The following SCFD2 variants were observed in gnomAD, a reference collection of about 807,000 sequenced individuals.
SCFD2 encodes sec1 family domain containing 2, also known as sec1 family domain-containing protein 2.
Under a neutral mutation model 58.9 loss-of-function variants are expected in SCFD2, and 54 were observed. The ratio of observed to expected loss-of-function variants is 0.92; its 90% confidence interval spans 0.74 to 1.15. The LOEUF is 1.15. SCFD2 is among the 50% of genes most tolerant of loss of function. The probability of loss-of-function intolerance (pLI) is 0.00; values close to 1 mark genes in which losing one functional copy is unlikely to be tolerated. For missense variants in SCFD2, 805 were observed against 836.6 expected, an observed-to-expected ratio of 0.96 and a Z score of 0.47; for synonymous variants, 321 against 335.9, an observed-to-expected ratio of 0.96 and a Z score of 0.49.
At chr4:53,306,889 C>T (rs557244479) in intron 3 of SCFD2, among the ~76,000 whole-genome samples, 6 of 152,182 alleles carry the variant, frequency 3.9e-5, no homozygotes, top group Non-Finnish European at 8.8e-5. Context: ...GAAAGATGTG[C>T]ATTTTTGTGT....
chr4:53,032,410 T>C (rs888389635), intron 5 of SCFD2, among the ~76,000 whole-genome samples: 2 of 152,092 alleles, frequency 1.3e-5, no homozygotes, highest in African/African-American at 4.8e-5. Context: ...GCTAGCATCA[T>C]ACTGACAGGA....
intron 7 of SCFD2, among the ~76,000 whole-genome samples, chr4:52,902,917 GC>G (rs1719240081): frequency 6.6e-6 from 1 of 152,180 alleles, no homozygotes; most frequent in African/African-American, 2.4e-5. Flanking sequence ...TATTAGCATA[GC>G]TTATAGTAGA....
intron 5 of SCFD2, among the ~76,000 whole-genome samples, chr4:53,047,430 A>G (rs1723070414): frequency 2.0e-5 from 3 of 152,202 alleles, no homozygotes; most frequent in Admixed American, 1.3e-4. Context: ...CCTGGACAAC[A>G]GAGTGAGACC....
At chr4:53,300,444 T>C (rs1287400069) in intron 3 of SCFD2, among the ~76,000 whole-genome samples, 1 of 152,174 alleles carries the variant, frequency 6.6e-6, no homozygotes, top group South Asian at 2.1e-4. Flanking sequence ...CCCAGATTCA[T>C]AAAGCAAGTC....
chr4:53,265,830 C>T (rs981567957), intron 4 of SCFD2, among the ~76,000 whole-genome samples: 14 of 152,166 alleles, frequency 9.2e-5, no homozygotes, highest in African/African-American at 3.1e-4. Flanking sequence ...GCTTTGACCT[C>T]CTGGGCTCAA....
At chr4:53,063,439 T>A (rs1723571750) in intron 5 of SCFD2, among the ~76,000 whole-genome samples, 1 of 152,152 alleles carries the variant, frequency 6.6e-6, no homozygotes, top group African/African-American at 2.4e-5. Flanking sequence ...ATAATTCCCA[T>A]TTTAAAAGGA....
chr4:52,915,837 GA>G (rs1719588892), intron 6 of SCFD2, among the ~76,000 whole-genome samples: 1 of 152,192 alleles, frequency 6.6e-6, no homozygotes, highest in South Asian at 2.1e-4. Flanking sequence ...AAAGAATCAG[GA>G]GGAGCAATAG....
intron 4 of SCFD2, among the ~76,000 whole-genome samples, chr4:53,200,907 T>C (rs1728209684): frequency 6.6e-6 from 1 of 152,090 alleles, no homozygotes; most frequent in South Asian, 2.1e-4. Context: ...TATAAATCCA[T>C]TCTAAAAATC....
chr4:53,025,082 T>C (rs1577667717), intron 5 of SCFD2, among the ~76,000 whole-genome samples: 1 of 152,210 alleles, frequency 6.6e-6, no homozygotes, highest in East Asian at 1.9e-4. Flanking sequence ...AAAGCTTCCA[T>C]TACTATAGTT....
At chr4:53,002,693 C>A (rs929352259) in intron 5 of SCFD2, among the ~76,000 whole-genome samples, 18 of 152,150 alleles carry the variant, frequency 1.2e-4, no homozygotes, top group African/African-American at 3.9e-4. Context: ...AATATATAAA[C>A]AAATGGGTCT....
chr4:53,140,413 A>ATATATATATATATATATATATATAT (rs1212934790), intron 5 of SCFD2, among the ~76,000 whole-genome samples: 3 of 143,922 alleles, frequency 2.1e-5, no homozygotes, highest in African/African-American at 7.7e-5. Flanking sequence ...ATATATATAT[A>ATATATATATATATATATATATATAT]AATTTTAATC....
chr4:53,230,980 CAAAT>C (rs1479723412), intron 4 of SCFD2, among the ~76,000 whole-genome samples: 1 of 151,876 alleles, frequency 6.6e-6, no homozygotes, highest in African/African-American at 2.4e-5. Flanking sequence ...AGTGAAAGCA[CAAAT>C]AAATAAGTTA....
intron 7 of SCFD2, among the ~76,000 whole-genome samples, chr4:52,894,819 C>T (rs1718961860): frequency 6.6e-6 from 1 of 152,186 alleles, no homozygotes; most frequent in Non-Finnish European, 1.5e-5. Context: ...CTGCTCTTCT[C>T]CCCAGCTCAT....
At chr4:53,335,204 AAAAAAAAAACAAC>A (rs1475847961) in intron 2 of SCFD2, among the ~76,000 whole-genome samples, 3 of 146,454 alleles carry the variant, frequency 2.0e-5, no homozygotes, top group Admixed American at 1.4e-4. Flanking sequence ...CAAAAAAAAA[AAAAAAAAAACAAC>A]AAAAAAAAAA....
At chr4:53,017,357 A>C (rs1259783414) in intron 5 of SCFD2, among the ~76,000 whole-genome samples, 1 of 152,212 alleles carries the variant, frequency 6.6e-6, no homozygotes, top group Non-Finnish European at 1.5e-5. Context: ...AAAACAAGTT[A>C]AATGAAAACT....
intron 5 of SCFD2, among the ~76,000 whole-genome samples, chr4:53,117,299 A>C (rs1438421705): frequency 6.6e-6 from 1 of 152,132 alleles, no homozygotes; most frequent in Non-Finnish European, 1.5e-5. Flanking sequence ...CCCTTGCAAG[A>C]CTTAGCCAAG....
At chr4:53,217,737 T>A (rs1235032610) in intron 4 of SCFD2, among the ~76,000 whole-genome samples, 1 of 152,208 alleles carries the variant, frequency 6.6e-6, no homozygotes, top group Non-Finnish European at 1.5e-5. Context: ...CTTCATGGTA[T>A]CAATGGTCTT....
chr4:53,028,287 A>G (rs1219607259), intron 5 of SCFD2, among the ~76,000 whole-genome samples: 2 of 152,122 alleles, frequency 1.3e-5, no homozygotes, highest in Non-Finnish European at 2.9e-5. Context: ...AAAAAGAAAA[A>G]TATGAGAGAA....
intron 5 of SCFD2, among the ~76,000 whole-genome samples, chr4:52,940,113 T>C (rs1274076184): frequency 6.6e-6 from 1 of 152,238 alleles, no homozygotes; most frequent in Non-Finnish European, 1.5e-5. Flanking sequence ...TTGGTCACAT[T>C]TATCAGAACT....
Sources: gnomAD v4.1 joint callset for allele counts (sites outside exome capture counted in the v4.1 genomes callset) on GRCh38, gnomAD v4.1.1 for gene constraint, MANE v1.5 for transcripts, NCBI Gene and HGNC (gene_info 2026-07-23, HGNC 2026-07-21) for gene names.